DDX4: variants seen among roughly 807,000 people sequenced by gnomAD.
The protein encoded by DDX4 is probable ATP-dependent RNA helicase DDX4.
Under a neutral mutation model 100.0 loss-of-function variants are expected in DDX4, and 25 were observed. The observed-to-expected ratio is 0.25, with a 90% CI of 0.18 to 0.35. The LOEUF is 0.35. Among genes scored for constraint, DDX4 ranks in the 10% least tolerant of loss-of-function variants. The pLI, the probability that DDX4 is intolerant of heterozygous loss-of-function variation, is 1.00. For synonymous variants in DDX4, 259 were observed against 275.7 expected (o/e 0.94, Z 0.60); for missense variants, 635 against 882.4 (o/e 0.72, Z 3.55).
chr5:55,756,434 A>C (rs1759942266), intron 3 of DDX4, among the ~76,000 whole-genome samples: 1 of 152,184 alleles, frequency 6.6e-6, no homozygotes, highest in Non-Finnish European at 1.5e-5. Context: ...AGGGATTAGA[A>C]GTCAGGAGAG....
At chr5:55,790,260 TCA>T (rs1742485794) in intron 15 of DDX4, among the ~76,000 whole-genome samples, 1 of 147,970 alleles carries the variant, frequency 6.8e-6, no homozygotes, top group Non-Finnish European at 1.5e-5. Flanking sequence ...TTCTCCTGCC[TCA>T]GCCACCTGAG....
intron 21 of DDX4, 70 bp downstream of exon 21, chr5:55,815,493 G>T: frequency 6.5e-7 from 1 of 1,528,198 alleles, no homozygotes; most frequent in South Asian, 1.4e-5. Flanking sequence ...TTAATATTGT[G>T]AAGTAACTAT....
At chr5:55,763,962 T>A (rs572022843) in intron 5 of DDX4, 52 bp from the exon 6 acceptor site, 1 of 1,304,724 alleles carries the variant, frequency 7.7e-7, no homozygotes, top group African/African-American at 1.4e-5. Flanking sequence ...TGTGTGGTTA[T>A]CATTTTTACC....
intron 3 of DDX4, among the ~76,000 whole-genome samples, chr5:55,750,570 C>T (rs531304632): frequency 3.3e-5 from 5 of 152,266 alleles, no homozygotes; most frequent in Admixed American, 1.3e-4. Context: ...AATCTTCCAA[C>T]GTGATCTTGA....
chr5:55,797,066 A>G (rs1413107262), intron 17 of DDX4, among the ~76,000 whole-genome samples: 2 of 150,274 alleles, frequency 1.3e-5, no homozygotes, highest in African/African-American at 4.9e-5. Context: ...ATGGTCTCAA[A>G]CTCCTGGGCT....
intron 18 of DDX4, among the ~76,000 whole-genome samples, chr5:55,812,194 TTTCTC>T (rs1263077290): frequency 6.6e-6 from 1 of 152,226 alleles, no homozygotes; most frequent in African/African-American, 2.4e-5. Flanking sequence ...CTTGATAACA[TTTCTC>T]TTTTATTCAT....
In DDX4 at chr5:55,788,000, G is replaced by A. The variant is rs1378000171; in HGVS notation, c.1172G>A (p.Gly391Glu). Residue 391 changes from glycine (G) to glutamate (E), a missense_variant and splice_region_variant, in exon 15 of 22, where the codon GGG becomes GAG. Coordinates refer to ENST00000505374, the MANE Select transcript of DDX4 (RefSeq NM_024415.3). ...TTGGAAGCCAGAAAATTTTCTTTTG[G>A]GTAAGTACATCAGAGTGCTACTCAC... ...IYLEARKFSFGTCVRAVVIYG... is the reference protein window; with the variant it reads ...IYLEARKFSFETCVRAVVIYG... The A allele has an allele frequency of 1.2e-6, 2 of 1,611,736 alleles. No individual in the cohort carries two copies. The highest frequency in any genetic ancestry group is 1.7e-5 in the Admixed American group (1 of 59,706).
intron 7 of DDX4, among the ~76,000 whole-genome samples, chr5:55,771,440 T>C (rs1741248603): frequency 2.0e-5 from 3 of 152,214 alleles, no homozygotes; most frequent in Non-Finnish European, 4.4e-5. Flanking sequence ...TTTGTTGCAA[T>C]TGTAGATCAT....
chr5:55,778,799 CAGG>C (rs1258953643), intron 7 of DDX4, among the ~76,000 whole-genome samples: 1 of 151,654 alleles, frequency 6.6e-6, no homozygotes, highest in Non-Finnish European at 1.5e-5. Context: ...GAGGCTGAGA[CAGG>C]AGAATCGCTT....
rs1334425377 is a variant in DDX4, at chr5:55,779,911, A to G, written c.395-53A>G. 1.9e-5 allele frequency: 30 copies of G among 1,575,594 alleles called. No homozygotes were observed. The Admixed American group carries it at 2.4e-4, about 13-fold the overall frequency. ...TAAATTAAATTTGACCATGTCCCCAAGATTTCTTTGTTGTTGTTTTGTGTT... is the reference window on the plus strand; with the variant it reads ...TAAATTAAATTTGACCATGTCCCCAGGATTTCTTTGTTGTTGTTTTGTGTT... On this transcript the variant is annotated intron_variant, in intron 7 of 21. Coordinates refer to ENST00000505374, the MANE Select transcript of DDX4 (RefSeq NM_024415.3).
intron 7 of DDX4, among the ~76,000 whole-genome samples, chr5:55,773,814 G>A (rs1472495126): frequency 1.3e-5 from 2 of 151,892 alleles, no homozygotes; most frequent in Non-Finnish European, 2.9e-5. Flanking sequence ...TTTAGAGATG[G>A]GGTTCCACTA....
intron 12 of DDX4, 95 bp from the exon 13 acceptor site, chr5:55,785,634 A>T: frequency 3.8e-6 from 5 of 1,304,502 alleles, no homozygotes; most frequent in Non-Finnish European, 5.4e-6. Flanking sequence ...GTTCCATAGT[A>T]TTTAAAATTT....
chr5:55,747,062 T>G (rs1346156773), intron 3 of DDX4, among the ~76,000 whole-genome samples: 2 of 152,036 alleles, frequency 1.3e-5, no homozygotes, highest in Non-Finnish European at 2.9e-5. Context: ...GAGACCAGCT[T>G]GGGCAACATA....
Position 55,814,462 on chromosome 5 carries a change from C to T in DDX4, c.1716-439C>T, listed in dbSNP as rs75633337. On this transcript the variant is annotated intron_variant, in intron 19 of 21. Coordinates refer to ENST00000505374, the MANE Select transcript of DDX4 (RefSeq NM_024415.3). ...AGCTTGGAAGGAATTAGTATAGTAC[C>T]TGGTATGTAAGAAGTGAACATTAAT... 3.5e-3 allele frequency among the ~76,000 whole-genome samples: 531 copies of T among 151,564 alleles called. 7 individuals carry two copies. Among genetic ancestry groups the T allele is most frequent in the African/African-American group, 0.012 (512 of 41,366 alleles).
At position 55,785,884 on chromosome 5, in the gene DDX4, A is replaced by C. The variant is rs368806924; in HGVS notation, c.864+13A>C. The C allele has an allele frequency of 6.3e-7, 1 of 1,588,854 alleles. No homozygotes were observed. Among genetic ancestry groups the C allele is most frequent in the African/African-American group, 1.3e-5 (1 of 74,428 alleles). Reference sequence around the variant, plus strand: ...ACCAGCAATTCTGGTCAGTGTATTAATTGTTTCTGTATTAGCTATGTAGCA... The same window carrying C: ...ACCAGCAATTCTGGTCAGTGTATTACTTGTTTCTGTATTAGCTATGTAGCA... On this transcript the variant is annotated intron_variant, in intron 13 of 21. Transcript: ENST00000505374.
chr5:55,797,310 T>C (rs1743024999), intron 17 of DDX4, among the ~76,000 whole-genome samples: 1 of 152,244 alleles, frequency 6.6e-6, no homozygotes, highest in South Asian at 2.1e-4. Context: ...ATATCTTTCC[T>C]ACTTGAAGTG....
At chr5:55,781,004 A>G in intron 8 of DDX4, 62 bp from the exon 9 acceptor site, 9 of 1,454,768 alleles carry the variant, frequency 6.2e-6, no homozygotes, top group Non-Finnish European at 7.5e-6. Context: ...TTTTCTGTTT[A>G]CTGAACGATT....
intron 17 of DDX4, among the ~76,000 whole-genome samples, chr5:55,793,023 A>AGTGTGTGTGTGTGTGT (rs10551567): frequency 2.8e-5 from 4 of 144,764 alleles, no homozygotes; most frequent in South Asian, 4.5e-4. Flanking sequence ...TTATTTAAAA[A>AGTGTGTGTGTGTGTGT]GTGTGTGTGT....
At chr5:55,803,358 G>A (rs1299176392) in intron 18 of DDX4, among the ~76,000 whole-genome samples, 1 of 149,600 alleles carries the variant, frequency 6.7e-6, no homozygotes, top group Non-Finnish European at 1.5e-5. Flanking sequence ...AAGTTTTAGG[G>A]TACATGTGCA....
Sources: allele counts gnomAD v4.1 joint callset (sites outside exome capture counted in the v4.1 genomes callset), GRCh38; gene constraint gnomAD v4.1.1; transcripts MANE v1.5; gene names NCBI Gene and HGNC (gene_info 2026-07-23, HGNC 2026-07-21).